Variants in KNDC1 observed in about 807,000 individuals in gnomAD.
KNDC1 encodes the protein kinase non-catalytic C-lobe domain-containing protein 1.
A neutral mutation model predicts 172.8 loss-of-function variants in KNDC1; 106 were observed. The observed-to-expected ratio is 0.61, with a 90% CI of 0.52 to 0.72. The LOEUF is 0.72. KNDC1 is among the 30% of genes least tolerant of loss of function. The probability of loss-of-function intolerance (pLI) is 0.00; values close to 1 mark genes in which losing one functional copy is unlikely to be tolerated. For synonymous variants in KNDC1, 1,083 were observed against 1,062.2 expected, an observed-to-expected ratio of 1.02 and a Z score of -0.38; for missense variants, 2,325 against 2,394.5, an observed-to-expected ratio of 0.97 and a Z score of 0.61.
At chr10:133,221,819 GTAACCC>G in intron 29 of KNDC1, among the ~76,000 whole-genome samples, 1 of 137,662 alleles carries the variant, frequency 7.3e-6, no homozygotes, top group Admixed American at 7.5e-5. Flanking sequence ...GCTCACGCCT[GTAACCC>G]TAGGTAGGCC....
At chr10:133,167,204 A>G in intron 1 of KNDC1, 177 bp from the exon 2 acceptor site, 2 of 634,126 alleles carry the variant, frequency 3.2e-6, no homozygotes, top group South Asian at 3.9e-5. Context: ...TCTGACGTCC[A>G]GGGAACAGCA....
At chr10:133,188,477 C>G in intron 6 of KNDC1, 62 bp from the exon 7 acceptor site, 1 of 1,116,708 alleles carries the variant, frequency 9.0e-7, no homozygotes, top group Admixed American at 2.0e-5. Flanking sequence ...GGACATGCCT[C>G]TCCAGGCGGC....
Position 133,199,028 on chromosome 10 carries a change from G to A in KNDC1, c.2520G>A (p.Pro840=), listed in dbSNP as rs756038042. The A allele has an allele frequency of 5.1e-5, 81 of 1,575,938 alleles. No individual in the cohort carries two copies. The highest frequency in any genetic ancestry group is 2.2e-4 in the Admixed American group (12 of 54,560). Residue 840 remains proline (P), a synonymous_variant, in exon 14 of 30, where the codon CCG becomes CCA. Transcript: ENST00000304613. ...CACGAAGCAAGGCCACCGAGCGCCCGGGCCAGGAGCCAGAGGGCCCCGGGG... is the reference window on the plus strand; with the variant it reads ...CACGAAGCAAGGCCACCGAGCGCCCAGGCCAGGAGCCAGAGGGCCCCGGGG... ...KPPRSKATER[P]GQEPEGPGAT...
chr10:133,220,820 A>T (rs898550752), intron 29 of KNDC1, among the ~76,000 whole-genome samples: 4 of 151,342 alleles, frequency 2.6e-5, no homozygotes, highest in Admixed American at 6.6e-5. Flanking sequence ...CGCCCAGGTC[A>T]GGAGGGGCTC....
In KNDC1 at chr10:133,218,837, G is replaced by A; in HGVS notation, c.4684G>A (p.Val1562Met). 1 of 1,611,064 alleles carries A rather than the reference G, an allele frequency of 6.2e-7. No homozygotes were observed. Among genetic ancestry groups the A allele is most frequent in the Non-Finnish European group, 8.5e-7 (1 of 1,177,486 alleles). ...IVTSHTSKLQ[V>M]NLLSKFLLIA... is the part of the protein sequence containing the mutation. ...TGTCATTTTCTTATTGCAGCTGCAG[G>A]TGAACTTGCTGTCCAAATTTTTGCT... Residue 1562 changes from valine (V) to methionine (M), a missense_variant, in exon 27 of 30, where the codon GTG becomes ATG. By Grantham distance (21) the Val-to-Met change is conservative. Coordinates refer to ENST00000304613, the MANE Select transcript of KNDC1 (RefSeq NM_152643.8).
rs201538094 is a variant in KNDC1, at chr10:133,201,534, G to A, written c.3023G>A (p.Ser1008Asn). Reference sequence around the variant, plus strand: ...AAGCCAGCCATGGCCAGGACCAGCAGCAGGGCCCCCTGCTCACCCACCTCG... The same window carrying A: ...AAGCCAGCCATGGCCAGGACCAGCAACAGGGCCCCCTGCTCACCCACCTCG... ...KEKPAMARTSSRAPCSPTSVS... is the reference protein window; with the variant it reads ...KEKPAMARTSNRAPCSPTSVS... Residue 1008 changes from serine to asparagine, a missense_variant, in exon 17 of 30, where the codon AGC becomes AAC. Coordinates refer to ENST00000304613, the MANE Select transcript of KNDC1 (RefSeq NM_152643.8). 2.5e-6 allele frequency: 4 copies of A among 1,609,804 alleles called. No homozygotes were observed. The highest frequency in any genetic ancestry group is 1.9e-4 in the Middle Eastern group (1 of 5,192).
In KNDC1 at chr10:133,198,473, C is replaced by T; in HGVS notation, c.2043C>T (p.Val681=). Reference sequence around the variant, plus strand: ...AGGCCACGCACTTCAAGCCCATTGTCCTCGCGCAGAACGCAAGTGTGGCCA... The same window carrying T: ...AGGCCACGCACTTCAAGCCCATTGTTCTCGCGCAGAACGCAAGTGTGGCCA... ...TSEATHFKPI[V]LAQNASVARD... is the part of the protein sequence containing the mutation. Residue 681 remains valine (V), a synonymous_variant, in exon 13 of 30, where the codon GTC becomes GTT. Transcript: ENST00000304613. The T allele has an allele frequency of 6.2e-7, 1 of 1,606,854 alleles. No homozygotes were observed. Among genetic ancestry groups the T allele is most frequent in the Non-Finnish European group, 8.5e-7 (1 of 1,176,860 alleles).
intron 1 of KNDC1, among the ~76,000 whole-genome samples, chr10:133,164,540 C>T (rs184460731): frequency 6.8e-4 from 104 of 152,356 alleles, no homozygotes; most frequent in Non-Finnish European, 1.8e-4. Flanking sequence ...TTGCTATTCA[C>T]AGCACGTCAC....
At chr10:133,179,388 C>T (rs1291557710) in intron 3 of KNDC1, 1 of 152,230 alleles carries the variant, frequency 6.6e-6, no homozygotes, top group East Asian at 1.9e-4. Context: ...AGCCGCAATT[C>T]TTCTTTGAAC....
At position 133,207,317 on chromosome 10, in the gene KNDC1, A is replaced by T; in HGVS notation, c.3760A>T (p.Thr1254Ser). Residue 1254 changes from threonine (T) to serine (S), a missense_variant, in exon 20 of 30, where the codon ACG becomes TCG. Coordinates refer to ENST00000304613, the MANE Select transcript of KNDC1 (RefSeq NM_152643.8). ...RQKARILQAG[T>S]PLGLMAYLYS... ...GAAGGCCCGCATCCTGCAGGCCGGC[A>T]CGCCGCTGGGGCTCATGGCCTACCT... 6.2e-7 allele frequency: 1 copy of T among 1,612,816 alleles called. No individual in the cohort carries two copies. Among genetic ancestry groups the T allele is most frequent in the Non-Finnish European group, 8.5e-7 (1 of 1,179,920 alleles).
At position 133,189,442 on chromosome 10, in the gene KNDC1, G is replaced by A. The variant is rs548140133; in HGVS notation, c.1442-156G>A. 2.7e-3 allele frequency among the ~76,000 whole-genome samples: 405 copies of A among 152,330 alleles called. 2 individuals are homozygous for A. Among genetic ancestry groups the A allele is most frequent in the African/African-American group, 9.2e-3 (384 of 41,568 alleles). On this transcript the variant is annotated intron_variant, in intron 7 of 29. Transcript: ENST00000304613. ...CAGCTCCGAGGACCCCGGGGGCTGG[G>A]GTCAGGCCATGTGCGTGCACTGGCA...
Position 133,186,232 on chromosome 10 carries a change from A to AC in KNDC1, c.885dup (p.Ala296ArgfsTer15). 6.3e-7 allele frequency: 1 copy of AC among 1,589,508 alleles called. No individual in the cohort carries two copies. Among genetic ancestry groups the AC allele is most frequent in the South Asian group, 1.1e-5 (1 of 87,750 alleles). ...CGCACCCTCGGGGAGCTGGACAGAGACGCCCTCAGGAGAAGCCGCCTGCGG... is the reference window on the plus strand; with the variant it reads ...CGCACCCTCGGGGAGCTGGACAGAGACCGCCCTCAGGAGAAGCCGCCTGCGG... On this transcript the variant is annotated frameshift_variant, in exon 6 of 30. Coordinates refer to ENST00000304613, the MANE Select transcript of KNDC1 (RefSeq NM_152643.8). LOFTEE classifies it high-confidence loss of function.
At chr10:133,175,234 AATGG>A (rs768554436) in intron 3 of KNDC1, among the ~76,000 whole-genome samples, 31 of 109,528 alleles carry the variant, frequency 2.8e-4, no homozygotes, top group African/African-American at 6.5e-4. Context: ...TGGATGAACA[AATGG>A]ATGGATGGGT....
chr10:133,223,543 G>A (rs867041712), intron 29 of KNDC1, among the ~76,000 whole-genome samples: 2 of 64,560 alleles, frequency 3.1e-5, no homozygotes. Context: ...TCTTCCCGGC[G>A]TGTGTGTGCG....
intron 26 of KNDC1, among the ~76,000 whole-genome samples, chr10:133,214,899 C>T (rs1186798864): frequency 6.6e-6 from 1 of 152,222 alleles, no homozygotes; most frequent in Non-Finnish European, 1.5e-5. Flanking sequence ...GGCTTACCTG[C>T]CCAGGAGGCA....
rs11597218 is a variant in KNDC1, at chr10:133,224,584, C to T, written c.5019-75C>T. On this transcript the variant is annotated intron_variant, in intron 29 of 29. Transcript: ENST00000304613. The surrounding 1 kb of genome is among the most constrained non-coding windows in gnomAD (Gnocchi z 5.4). Reference sequence around the variant, plus strand: ...TTAGTCCAAATGATTCCTAAGAACGCGGGGGGACTCCCTCCCCACGGAAGC... The same window carrying T: ...TTAGTCCAAATGATTCCTAAGAACGTGGGGGGACTCCCTCCCCACGGAAGC... 0.37 allele frequency: 374,894 copies of T among 1,017,868 alleles called. 75,070 individuals carry two copies. Among genetic ancestry groups the T allele is most frequent in the Non-Finnish European group, 0.42 (281,988 of 674,338 alleles). 63.1% of individuals were successfully genotyped at this position (1,017,868 alleles called of 1,614,324 possible). A position where few individuals can be genotyped will look rare whatever the true frequency, so the allele number is the denominator to read the frequency against.
At position 133,206,595 on chromosome 10, in the gene KNDC1, A is replaced by T. The variant is rs1845199866; in HGVS notation, c.3388-90A>T. On this transcript the variant is annotated intron_variant, in intron 17 of 29. Transcript: ENST00000304613. ...GCCCTGCAGCTGATCTCCAAGGCCAAGGAGGCCCCAGTGGGGTGGGGCCTG... is the reference window on the plus strand; with the variant it reads ...GCCCTGCAGCTGATCTCCAAGGCCATGGAGGCCCCAGTGGGGTGGGGCCTG... 3.8e-6 allele frequency: 4 copies of T among 1,052,524 alleles called. No individual in the cohort carries two copies. The Admixed American group carries it at 7.2e-5, about 19-fold the overall frequency. 65.2% of individuals were successfully genotyped at this position (1,052,524 alleles called of 1,614,324 possible).
At chr10:133,195,590 G>A in intron 9 of KNDC1, 73 bp from the exon 10 acceptor site, 1 of 1,402,226 alleles carries the variant, frequency 7.1e-7, no homozygotes, top group South Asian at 1.6e-5. Flanking sequence ...CAGGGTGCCT[G>A]AGGTGGGCAG....
In KNDC1 at chr10:133,207,214, C is replaced by T; in HGVS notation, c.3657C>T (p.Asp1219=). 6.2e-7 allele frequency: 1 copy of T among 1,612,500 alleles called. No individual in the cohort carries two copies. Among genetic ancestry groups the T allele is most frequent in the Non-Finnish European group, 8.5e-7 (1 of 1,179,914 alleles). The change falls in exon 20 of 30, where the codon GAC becomes GAT. Residue 1219 remains aspartate, a synonymous_variant. Coordinates refer to ENST00000304613, the MANE Select transcript of KNDC1 (RefSeq NM_152643.8). ...VIVNIAAAPC[D]TLDFSPLDES... is the part of the protein sequence containing the mutation. ...TGAACATCGCGGCCGCACCCTGCGACACGCTGGACTTCAGCCCCCTGGACG... is the reference window on the plus strand; with the variant it reads ...TGAACATCGCGGCCGCACCCTGCGATACGCTGGACTTCAGCCCCCTGGACG...
Sources: gnomAD v4.1 joint callset for allele counts (sites outside exome capture counted in the v4.1 genomes callset) on GRCh38, gnomAD v4.1.1 for gene constraint, Gnocchi (gnomAD v3.1) non-coding constraint, MANE v1.5 for transcripts, NCBI Gene and HGNC (gene_info 2026-07-23, HGNC 2026-07-21) for gene names.